The following FGF12 variants were observed in gnomAD, a reference collection of about 807,000 sequenced individuals.
FGF12 encodes fibroblast growth factor 12, also known as fibroblast growth factor 12B.
FGF12 carries 14 observed loss-of-function variants against 23.6 expected under a neutral mutation model. That is an observed-to-expected ratio of 0.59 (90% confidence interval 0.39 to 0.93). The LOEUF is 0.93. Among genes scored for constraint, FGF12 ranks in the 40% least tolerant of loss-of-function variants. The pLI, the probability that FGF12 is intolerant of heterozygous loss-of-function variation, is 0.00. For synonymous variants in FGF12, 62 were observed against 77.3 expected (o/e 0.80, Z 1.04); for missense variants, 175 against 217.8 (o/e 0.80, Z 1.24).
At chr3:192,438,556 G>C (rs190653626) in intron 2 of FGF12, among the ~76,000 whole-genome samples, 1 of 152,200 alleles carries the variant, frequency 6.6e-6, no homozygotes, top group Non-Finnish European at 1.5e-5. Flanking sequence ...TGGTGCCAGT[G>C]CAGTGAAATC....
intron 4 of FGF12, among the ~76,000 whole-genome samples, chr3:192,203,545 G>A (rs1011683356): frequency 6.7e-6 from 1 of 150,058 alleles, no homozygotes; most frequent in South Asian, 2.1e-4. Flanking sequence ...CAGCTTACAA[G>A]CTTACACTCT....
intron 2 of FGF12, among the ~76,000 whole-genome samples, chr3:192,692,248 C>T (rs115507322): frequency 3.3e-5 from 5 of 152,116 alleles, no homozygotes; most frequent in African/African-American, 1.2e-4. Flanking sequence ...TGATGAACAT[C>T]GATGCAAAAA....
At chr3:192,713,774 T>C (rs1718771173) in intron 2 of FGF12, among the ~76,000 whole-genome samples, 1 of 152,224 alleles carries the variant, frequency 6.6e-6, no homozygotes, top group Admixed American at 6.5e-5. Context: ...AGACCTTCCC[T>C]GTACAAGGTG....
At chr3:192,412,473 C>T (rs1484763691) in intron 2 of FGF12, among the ~76,000 whole-genome samples, 1 of 152,224 alleles carries the variant, frequency 6.6e-6, no homozygotes, top group East Asian at 1.9e-4. Context: ...CTGGGAGCAA[C>T]ATTCTTTCTG....
intron 5 of FGF12, among the ~76,000 whole-genome samples, chr3:192,145,209 A>G (rs1320485182): frequency 6.6e-6 from 1 of 152,238 alleles, no homozygotes; most frequent in Non-Finnish European, 1.5e-5. Flanking sequence ...ATGAAGATTA[A>G]ATGCCTTGCA....
chr3:192,576,791 G>A (rs1290877655), intron 2 of FGF12, among the ~76,000 whole-genome samples: 1 of 152,138 alleles, frequency 6.6e-6, no homozygotes, highest in Non-Finnish European at 1.5e-5. Flanking sequence ...CAATAGCAAA[G>A]ACTTGGAACC....
At chr3:192,406,856 T>G (rs1720976299) in intron 2 of FGF12, among the ~76,000 whole-genome samples, 1 of 152,180 alleles carries the variant, frequency 6.6e-6, no homozygotes, top group South Asian at 2.1e-4. Context: ...AACCATGTAC[T>G]TCATTGCTGG....
At chr3:192,658,545 T>C (rs1339732405) in intron 2 of FGF12, among the ~76,000 whole-genome samples, 2 of 152,320 alleles carry the variant, frequency 1.3e-5, no homozygotes, top group East Asian at 1.9e-4. Context: ...AAACAAAGTT[T>C]TAGGGTGCAT....
intron 2 of FGF12, among the ~76,000 whole-genome samples, chr3:192,694,545 A>G (rs1718046683): frequency 6.6e-6 from 1 of 152,002 alleles, no homozygotes. Context: ...ATATACATAT[A>G]TGTGTGTGTA....
intron 2 of FGF12, among the ~76,000 whole-genome samples, chr3:192,525,609 A>C (rs552189718): frequency 6.6e-6 from 1 of 152,196 alleles, no homozygotes; most frequent in East Asian, 1.9e-4. Flanking sequence ...TAATCACCCC[A>C]AAACTTAAGT....
intron 5 of FGF12, among the ~76,000 whole-genome samples, chr3:192,147,544 T>C (rs2108581361): frequency 6.6e-6 from 1 of 152,336 alleles, no homozygotes; most frequent in African/African-American, 2.4e-5. Context: ...ATCACCATGA[T>C]GTATATAGCA....
In FGF12 at chr3:192,514,906, C is replaced by A. The variant is rs902124977; in HGVS notation, c.14-154368G>T. On this transcript the variant is annotated intron_variant, in intron 2 of 5. Transcript: ENST00000445105. The surrounding 1 kb of genome is among the most constrained non-coding windows in gnomAD (Gnocchi z 4.9). ...TTTGCACATGGAGCCGGAGGGAGCC[C>A]GGGCGCCGGCAGGGGGCGGGCCGGG... is the stretch of plus-strand genomic sequence containing the variant. The A allele has an allele frequency of 2.0e-6, 2 of 983,984 alleles. No homozygotes were observed. The highest frequency in any genetic ancestry group is 3.5e-5 in the African/African-American group (2 of 57,164). The allele number at this position is 983,984 out of a possible 1,614,324, so 61.0% of individuals were successfully genotyped here. A position where few individuals can be genotyped will look rare whatever the true frequency, so the allele number is the denominator to read the frequency against.
chr3:192,596,189 C>G (rs1713845893), intron 2 of FGF12, among the ~76,000 whole-genome samples: 1 of 133,674 alleles, frequency 7.5e-6, no homozygotes, highest in African/African-American at 2.9e-5. Context: ...TAGCATTTCT[C>G]ATGATGCCTA....
chr3:192,282,519 TA>T (rs1223337945), intron 4 of FGF12, among the ~76,000 whole-genome samples: 1 of 152,146 alleles, frequency 6.6e-6, no homozygotes, highest in Non-Finnish European at 1.5e-5. Flanking sequence ...GTGTACTATG[TA>T]CCAAAATCAA....
chr3:192,352,024 C>T (rs1718243026), intron 3 of FGF12, among the ~76,000 whole-genome samples: 1 of 148,434 alleles, frequency 6.7e-6, no homozygotes, highest in Non-Finnish European at 1.5e-5. Context: ...TATATCACTA[C>T]ATATTTTTCA....
At chr3:192,655,931 G>T (rs1228155010) in intron 2 of FGF12, among the ~76,000 whole-genome samples, 1 of 149,556 alleles carries the variant, frequency 6.7e-6, no homozygotes, top group African/African-American at 2.5e-5. Flanking sequence ...CATAGGAAAA[G>T]AAGCTGTTTG....
At chr3:192,552,187 T>C (rs1181512451) in intron 2 of FGF12, among the ~76,000 whole-genome samples, 1 of 152,036 alleles carries the variant, frequency 6.6e-6, no homozygotes, top group Non-Finnish European at 1.5e-5. Context: ...AAAGGGTCAA[T>C]GAATTTGAAA....
At position 192,504,028 on chromosome 3, in the gene FGF12, G is replaced by T. The variant is rs181516224; in HGVS notation, c.14-143490C>A. ...CAGTCATAAAAAAGAATGAGATTAC[G>T]TTCTTTGCAGCAACATGGATAGATC... On this transcript the variant is annotated intron_variant, in intron 2 of 5. Transcript: ENST00000445105. Among the ~76,000 whole-genome samples, 223 of 152,106 alleles carry T rather than the reference G, an allele frequency of 1.5e-3. 2 individuals carry two copies. The highest frequency in any genetic ancestry group is 0.014 in the Admixed American group (210 of 15,252).
intron 2 of FGF12, among the ~76,000 whole-genome samples, chr3:192,430,458 T>A (rs1415994808): frequency 6.6e-6 from 1 of 152,200 alleles, no homozygotes; most frequent in Non-Finnish European, 1.5e-5. Context: ...GTACTTAATA[T>A]TACTAAACTG....
Sources: gnomAD v4.1 joint callset for allele counts (sites outside exome capture counted in the v4.1 genomes callset) on GRCh38, gnomAD v4.1.1 for gene constraint, Gnocchi (gnomAD v3.1) non-coding constraint, MANE v1.5 for transcripts, NCBI Gene and HGNC (gene_info 2026-07-23, HGNC 2026-07-21) for gene names.